The following COLEC10 variants were observed in gnomAD, a reference collection of about 807,000 sequenced individuals.
COLEC10 encodes the protein collectin subfamily member 10.
In COLEC10, 22 loss-of-function variants were observed where a neutral mutation model predicts 28.4. The observed-to-expected ratio is 0.78, with a 90% CI of 0.55 to 1.11. COLEC10 has a LOEUF of 1.11. Ranked by LOEUF, COLEC10 falls within the 50% of genes least tolerant of loss-of-function variation. The pLI is 0.00. For synonymous variants in COLEC10, 125 were observed against 116.1 expected (o/e 1.08, Z -0.49); for missense variants, 361 against 344.1 (o/e 1.05, Z -0.39).
intron 2 of COLEC10, among the ~76,000 whole-genome samples, chr8:119,057,916 C>T (rs1008062008): frequency 6.6e-6 from 1 of 151,910 alleles, no homozygotes; most frequent in Admixed American, 6.6e-5. Flanking sequence ...TACTTGAGCT[C>T]TTTAATGCAA....
chr8:119,065,120 C>G (rs747850774), upstream of COLEC10, among the ~76,000 whole-genome samples: 1 of 152,172 alleles, frequency 6.6e-6, no homozygotes, highest in African/African-American at 2.4e-5. Flanking sequence ...TACCTCAAAG[C>G]AAATTTCTGC....
At chr8:118,995,840 T>G (rs1813579567) in intron 1 of COLEC10, among the ~76,000 whole-genome samples, 1 of 150,426 alleles carries the variant, frequency 6.6e-6, no homozygotes, top group Admixed American at 6.6e-5. Flanking sequence ...TGATCAAACT[T>G]GGATATAGGT....
At chr8:118,976,042 A>T in the COLEC10 span, among the ~76,000 whole-genome samples, 1 of 152,098 alleles carries the variant, frequency 6.6e-6, no homozygotes, top group Non-Finnish European at 1.5e-5. Flanking sequence ...TGTTTCAAAA[A>T]TACATATCCA....
intron 1 of COLEC10, among the ~76,000 whole-genome samples, chr8:119,074,834 C>A (rs140428818): frequency 6.6e-6 from 1 of 152,156 alleles, no homozygotes; most frequent in Non-Finnish European, 1.5e-5. Flanking sequence ...GTGGTAAATA[C>A]GCCTAGGGTT....
the COLEC10 span, among the ~76,000 whole-genome samples, chr8:118,978,104 T>A: frequency 6.6e-6 from 1 of 152,136 alleles, no homozygotes; most frequent in Non-Finnish European, 1.5e-5. Flanking sequence ...CAATTTCATA[T>A]AAGTTGACAG....
At chr8:119,026,406 A>AAT (rs1168575103) in intron 2 of COLEC10, among the ~76,000 whole-genome samples, 1 of 152,106 alleles carries the variant, frequency 6.6e-6, no homozygotes, top group Non-Finnish European at 1.5e-5. Context: ...AATAAAATAA[A>AAT]AATAAAAATT....
chr8:119,102,233 T>A, intron 3 of COLEC10, 115 bp from the exon 4 acceptor site: 1 of 243,534 alleles, frequency 4.1e-6, no homozygotes, highest in Non-Finnish European at 7.6e-6. Flanking sequence ...CCTCCCTCCC[T>A]CCCTCCCTCC....
intron 2 of COLEC10, among the ~76,000 whole-genome samples, chr8:119,032,625 C>G (rs1251756819): frequency 1.3e-5 from 2 of 152,092 alleles, no homozygotes; most frequent in Non-Finnish European, 2.9e-5. Flanking sequence ...CCTTCTGCCC[C>G]GCGCGGTGGC....
chr8:119,039,720 C>T (rs1429950378), intron 2 of COLEC10, among the ~76,000 whole-genome samples: 2 of 152,100 alleles, frequency 1.3e-5, no homozygotes. Flanking sequence ...ATTTCCTTGC[C>T]TTGTCTGGTT....
chr8:119,006,394 T>G (rs60012832), intron 1 of COLEC10, among the ~76,000 whole-genome samples: 6,709 of 152,144 alleles, frequency 0.044, 217 homozygotes, highest in East Asian at 0.16. Context: ...TCCTGTTTCA[T>G]TTTCCCCTGT....
At position 119,075,943 on chromosome 8, in the gene COLEC10, T is replaced by C. The variant is rs1322484450; in HGVS notation, c.148+8514T>C. 6.7e-5 allele frequency among the ~76,000 whole-genome samples: 9 copies of C among 133,366 alleles called. No homozygotes were observed. The East Asian group carries it at 2.2e-3, about 32-fold the overall frequency. The allele number at this position is 133,366 out of a possible 152,430, so 87.5% of individuals were successfully genotyped here. ...TGAGACAGAGTCTCGCTCTGTCACC[T>C]AGGCTGGAGTGCAGTGGTGCGATCT... On this transcript the variant is annotated intron_variant, in intron 1 of 5. Coordinates refer to ENST00000332843, the MANE Select transcript of COLEC10 (RefSeq NM_006438.5).
upstream of COLEC10, among the ~76,000 whole-genome samples, chr8:118,992,822 A>G (rs1414495348): frequency 6.6e-6 from 1 of 152,182 alleles, no homozygotes; most frequent in Non-Finnish European, 1.5e-5. Context: ...CATAAACAAT[A>G]TACATAATAT....
intron 2 of COLEC10, among the ~76,000 whole-genome samples, chr8:119,044,536 G>A (rs1252989289): frequency 3.3e-5 from 5 of 152,032 alleles, no homozygotes; most frequent in Non-Finnish European, 5.9e-5. Context: ...GTAGTAAAGT[G>A]ATGCTGTAAT....
chr8:119,015,914 A>G (rs1563717506), intron 2 of COLEC10, among the ~76,000 whole-genome samples: 1 of 152,228 alleles, frequency 6.6e-6, no homozygotes, highest in Non-Finnish European at 1.5e-5. Flanking sequence ...AGGTAGTAAC[A>G]GCAACTAACC....
At chr8:119,060,809 G>A (rs770272748) in intron 2 of COLEC10, among the ~76,000 whole-genome samples, 2 of 152,242 alleles carry the variant, frequency 1.3e-5, no homozygotes, top group African/African-American at 2.4e-5. Flanking sequence ...ACTTGCATAT[G>A]CAGAGCTTCC....
At chr8:118,959,018 C>T in the COLEC10 span, among the ~76,000 whole-genome samples, 3 of 152,204 alleles carry the variant, frequency 2.0e-5, no homozygotes, top group African/African-American at 7.2e-5. Flanking sequence ...TAGCAGCAAA[C>T]AGTGACTGAT....
chr8:118,987,065 C>T, the COLEC10 span, among the ~76,000 whole-genome samples: 2 of 151,810 alleles, frequency 1.3e-5, no homozygotes, highest in East Asian at 1.9e-4. Context: ...AAAGAAAAAG[C>T]AACAGGGGAA....
At chr8:119,027,489 T>C (rs1487770041) in intron 2 of COLEC10, among the ~76,000 whole-genome samples, 2 of 152,170 alleles carry the variant, frequency 1.3e-5, no homozygotes, top group Admixed American at 6.6e-5. Flanking sequence ...TGATCTTTTA[T>C]GCAAATTCAA....
At chr8:119,085,599 C>CTT (rs66829005) in intron 1 of COLEC10, among the ~76,000 whole-genome samples, 871 of 63,260 alleles carry the variant, frequency 0.014, 6 homozygotes, top group Non-Finnish European at 0.019. Flanking sequence ...TCTTCTTCTT[C>CTT]TTTTTTTTTT....
Sources: allele counts gnomAD v4.1 joint callset (sites outside exome capture counted in the v4.1 genomes callset), GRCh38; gene constraint gnomAD v4.1.1; transcripts MANE v1.5; gene names NCBI Gene and HGNC (gene_info 2026-07-23, HGNC 2026-07-21).